ZNF750: variants seen among roughly 807,000 people sequenced by gnomAD.
ZNF750 encodes protein ZNF750.
In ZNF750, 10 loss-of-function variants were observed where a neutral mutation model predicts 31.6. The ratio of observed to expected loss-of-function variants is 0.32; its 90% CI spans 0.19 to 0.54. The LOEUF (loss-of-function observed/expected upper bound fraction) is 0.54. ZNF750 is among the 20% of genes least tolerant of loss of function. ZNF750 has a pLI of 0.95. For missense variants in ZNF750, 914 were observed against 934.9 expected, an observed-to-expected ratio of 0.98 and a Z score of 0.29; for synonymous variants, 400 against 404.9, an observed-to-expected ratio of 0.99 and a Z score of 0.15.
rs140349630 is a variant in ZNF750, at chr17:82,829,578, T to C, written c.*564A>G. ...AGCCAGAACATTCACTGTAACATTA[T>C]AAGCAAGTAGAATAAATTGATAATA... On this transcript the variant is annotated 3_prime_UTR_variant, in exon 3 of 3. Transcript: ENST00000269394. The C allele has an allele frequency of 5.5e-4, 86 of 157,554 alleles. No individual in the cohort carries two copies. The highest frequency in any genetic ancestry group is 8.5e-4 in the Non-Finnish European group (60 of 70,932). The allele number at this position is 157,554 out of a possible 1,614,324, so 9.8% of individuals were successfully genotyped here. A position where few individuals can be genotyped will look rare whatever the true frequency, so the allele number is the denominator to read the frequency against.
Position 82,831,300 on chromosome 17 carries a change from T to C in ZNF750, c.1155A>G (p.Lys385=). 2 of 1,613,988 alleles carry C rather than the reference T, an allele frequency of 1.2e-6. No individual in the cohort carries two copies. The highest frequency in any genetic ancestry group is 1.1e-5 in the South Asian group (1 of 91,086). The change falls in exon 2 of 3, where the codon AAA becomes AAG. Residue 385 remains lysine (K), a synonymous_variant. Transcript: ENST00000269394. This position sits in a 1 kb window ranked among gnomAD's most constrained non-coding sequence, Gnocchi z 4.6. The stretch of plus-strand genomic sequence containing the variant: ...CTCTCTGCCCAGCCTTGGAGGAGTC[T>C]TTAGCCTCAGGAATTGGACTTTCGA... ...VEFESPIPEA[K]DSSKAGQRDT... is the part of the protein sequence containing the mutation.
chr17:82,830,278 T>G lies in ZNF750; in HGVS notation c.2036A>C (p.Gln679Pro), dbSNP rs973435771. The change falls in exon 3 of 3, where the codon CAG becomes CCG. Residue 679 changes from glutamine to proline, a missense_variant. Around this residue, in one of 2 missense-constraint regions of ZNF750, gnomAD observed 880 missense variants for 868.9 expected, o/e 1.01. Transcript: ENST00000269394. The part of the protein sequence containing the change: ...TLSSMESQEA[Q>P]CDLRPKGQKR... Reference sequence around the variant, plus strand: ...TTGTCCTTTGGGTCTGAGGTCACACTGGGCCTCTTGGCTCTCCATGGAGCT... The same window carrying G: ...TTGTCCTTTGGGTCTGAGGTCACACGGGGCCTCTTGGCTCTCCATGGAGCT... The G allele has an allele frequency of 7.4e-6, 12 of 1,614,118 alleles. No homozygotes were observed. The African/African-American group carries it at 1.5e-4, about 20-fold the overall frequency.
Position 82,829,807 on chromosome 17 carries a change from A to G in ZNF750, c.*335T>C. On this transcript the variant is annotated 3_prime_UTR_variant, in exon 3 of 3. Coordinates refer to ENST00000269394, the MANE Select transcript of ZNF750 (RefSeq NM_024702.3). ...ATATGCAGCTAGAGCTAATAGAAAA[A>G]CAGTTAAAACAATTTGTTGTAATGG... 3.4e-6 allele frequency: 1 copy of G among 290,220 alleles called. No individual in the cohort carries two copies. The highest frequency in any genetic ancestry group is 7.0e-5 in the East Asian group (1 of 14,282). 18.0% of individuals were successfully genotyped at this position (290,220 alleles called of 1,614,324 possible).
chr17:82,837,686 C>T (rs2054107598), intron 1 of ZNF750, among the ~76,000 whole-genome samples: 1 of 152,204 alleles, frequency 6.6e-6, no homozygotes, highest in Admixed American at 6.5e-5. Context: ...ACTGGATCGG[C>T]AGGAAGCGTT....
chr17:82,837,008 T>C (rs1216734324), intron 1 of ZNF750, among the ~76,000 whole-genome samples: 2 of 152,188 alleles, frequency 1.3e-5, no homozygotes, highest in African/African-American at 2.4e-5. Context: ...GCAGTGGTTT[T>C]AGTAACCTTG....
At chr17:82,839,325 C>A (rs1226250090) in intron 1 of ZNF750, among the ~76,000 whole-genome samples, 1 of 151,972 alleles carries the variant, frequency 6.6e-6, no homozygotes, top group Non-Finnish European at 1.5e-5. Flanking sequence ...ACCCTAAATT[C>A]AGCCTAATGT....
chr17:82,831,214 C>T lies in ZNF750; in HGVS notation c.1241G>A (p.Arg414Lys). ...CTGCATGAAGTCGGTGGGGCTCGGC[C>T]TCCCTGGGGAGCCCGTGGCTGCACT... ...AGSAATGSPG[R>K]PSPTDFMQTS... Residue 414 changes from arginine to lysine, a missense_variant, in exon 2 of 3, where the codon AGG becomes AAG. Transcript: ENST00000269394. The surrounding 1 kb of genome is among the most constrained non-coding windows in gnomAD (Gnocchi z 4.6). 6.2e-7 allele frequency: 1 copy of T among 1,614,090 alleles called. No homozygotes were observed. Among genetic ancestry groups the T allele is most frequent in the Non-Finnish European group, 8.5e-7 (1 of 1,180,040 alleles).
At position 82,831,383 on chromosome 17, in the gene ZNF750, G is replaced by A. The variant is rs1376894026; in HGVS notation, c.1072C>T (p.Pro358Ser). 4.3e-6 allele frequency: 7 copies of A among 1,614,056 alleles called. No individual in the cohort carries two copies. The highest frequency in any genetic ancestry group is 5.9e-6 in the Non-Finnish European group (7 of 1,180,040). ...TTTAACCTGGAAGGACTCGAGGCTGGATAGACCAGGGTGGCTTCTTCAAGC... is the reference window on the plus strand; with the variant it reads ...TTTAACCTGGAAGGACTCGAGGCTGAATAGACCAGGGTGGCTTCTTCAAGC... ...HLLEEATLVY[P>S]ASSPSRLNPS... is the part of the protein sequence containing the mutation. The change falls in exon 2 of 3, where the codon CCA (proline) becomes TCA (serine). Residue 358 changes from proline to serine, a missense_variant. Around this residue, in one of 2 missense-constraint regions of ZNF750, gnomAD observed 880 missense variants for 868.9 expected, o/e 1.01. Coordinates refer to ENST00000269394, the MANE Select transcript of ZNF750 (RefSeq NM_024702.3). This position sits in a 1 kb window ranked among gnomAD's most constrained non-coding sequence, Gnocchi z 4.6.
chr17:82,838,870 C>A (rs2054214105), intron 1 of ZNF750: 2 of 985,452 alleles, frequency 2.0e-6, no homozygotes, highest in Non-Finnish European at 2.4e-6. Flanking sequence ...CAGTCGCCGC[C>A]TCATCCTGAA....
In ZNF750 at chr17:82,830,139, G is replaced by C; in HGVS notation, c.*3C>G. 1 of 1,613,476 alleles carries C rather than the reference G, an allele frequency of 6.2e-7. No homozygotes were observed. Among genetic ancestry groups the C allele is most frequent in the Non-Finnish European group, 8.5e-7 (1 of 1,179,998 alleles). On this transcript the variant is annotated 3_prime_UTR_variant, in exon 3 of 3. Coordinates refer to ENST00000269394, the MANE Select transcript of ZNF750 (RefSeq NM_024702.3). ...CTCTGTGAACACACGTGTGAACCCG[G>C]CGTTAGGACACCCGGGCCCTCCTTC...
intron 1 of ZNF750, 146 bp downstream of exon 1, chr17:82,839,781 C>T (rs1252717968): frequency 1.3e-5 from 2 of 152,258 alleles, no homozygotes; most frequent in African/African-American, 4.8e-5. Context: ...CAGCCATGCA[C>T]CTGCTGGGTC....
Position 82,830,793 on chromosome 17 carries a change from G to T in ZNF750, c.1521C>A (p.Asp507Glu), listed in dbSNP as rs373342505. Residue 507 changes from aspartate to glutamate, a missense_variant, in exon 3 of 3, where the codon GAC becomes GAA. By Grantham distance (45) the Asp-to-Glu change is conservative. Coordinates refer to ENST00000269394, the MANE Select transcript of ZNF750 (RefSeq NM_024702.3). ...VSEAAPSSPD[D>E]SSGMGPLNLS... Reference sequence around the variant, plus strand: ...GGTTGAGGGGGCCCATCCCGGAGCTGTCGTCCGGACTGGAAGGCGCGGCCT... The same window carrying T: ...GGTTGAGGGGGCCCATCCCGGAGCTTTCGTCCGGACTGGAAGGCGCGGCCT... 1.2e-6 allele frequency: 2 copies of T among 1,613,660 alleles called. No homozygotes were observed. The highest frequency in any genetic ancestry group is 1.7e-6 in the Non-Finnish European group (2 of 1,180,044).
In ZNF750 at chr17:82,831,845, C is replaced by T; in HGVS notation, c.610G>A (p.Gly204Ser). 6.2e-7 allele frequency: 1 copy of T among 1,614,052 alleles called. No homozygotes were observed. Among genetic ancestry groups the T allele is most frequent in the Non-Finnish European group, 8.5e-7 (1 of 1,179,992 alleles). ...GGTGAGCCGGCTTTCCAGGGGTAGC[C>T]AGGAGTGTGGAAGGCCGACTTGGTG... Reference protein sequence around the residue: ...FHTKSAFHTPGYPWKAGSPFL... With the variant: ...FHTKSAFHTPSYPWKAGSPFL... The change falls in exon 2 of 3, where the codon GGC (glycine) becomes AGC (serine). Residue 204 changes from glycine to serine, a missense_variant. Transcript: ENST00000269394. This position sits in a 1 kb window ranked among gnomAD's most constrained non-coding sequence, Gnocchi z 4.6.
At chr17:82,834,165 C>G (rs1329949106) in intron 1 of ZNF750, among the ~76,000 whole-genome samples, 1 of 152,116 alleles carries the variant, frequency 6.6e-6, no homozygotes, top group Non-Finnish European at 1.5e-5. Flanking sequence ...CCAGGCTGGT[C>G]TCGAGCTCCT....
At position 82,831,753 on chromosome 17, in the gene ZNF750, G is replaced by A. The variant is rs745915651; in HGVS notation, c.702C>T (p.Tyr234=). ...GGTACTCTGGGATTGTGGGGTGCAT[G>A]TAAGGGGAAATGGCCCCAAGCCCCT... ...STKGLGAISP[Y]MHPTIPEYPP... The change falls in exon 2 of 3, where the codon TAC becomes TAT. Residue 234 remains tyrosine (Y), a synonymous_variant. Coordinates refer to ENST00000269394, the MANE Select transcript of ZNF750 (RefSeq NM_024702.3). The surrounding 1 kb of genome is among the most constrained non-coding windows in gnomAD (Gnocchi z 4.6). 11 of 1,614,162 alleles carry A rather than the reference G, an allele frequency of 6.8e-6. No homozygotes were observed. The highest frequency in any genetic ancestry group is 1.7e-5 in the Admixed American group (1 of 60,022).
At position 82,830,607 on chromosome 17, in the gene ZNF750, G is replaced by C; in HGVS notation, c.1707C>G (p.Pro569=). The C allele has an allele frequency of 6.2e-7, 1 of 1,613,972 alleles. No individual in the cohort carries two copies. Among genetic ancestry groups the C allele is most frequent in the Non-Finnish European group, 8.5e-7 (1 of 1,179,924 alleles). ...CNTQAPRPAF[P]GRPRAAEPAA... is the part of the protein sequence containing the mutation. Reference sequence around the variant, plus strand: ...CAGGTTCTGCAGCTCGTGGTCGACCGGGGAAGGCAGGCCTCGGAGCCTGGG... The same window carrying C: ...CAGGTTCTGCAGCTCGTGGTCGACCCGGGAAGGCAGGCCTCGGAGCCTGGG... The change falls in exon 3 of 3, where the codon CCC becomes CCG. Residue 569 remains proline, a synonymous_variant. Transcript: ENST00000269394.
rs2053396017 is a variant in ZNF750 at position 82,830,515 on chromosome 17, T to A, written c.1799A>T (p.Lys600Met). ...SEDGPSHPET[K>M]PGSLDGDGAP... ...CCCGTCACCGTCGAGGCTGCCTGGC[T>A]TGGTCTCAGGGTGGCTGGGCCCATC... The change falls in exon 3 of 3, where the codon AAG (lysine) becomes ATG (methionine). Residue 600 changes from lysine (K) to methionine (M), a missense_variant. Coordinates refer to ENST00000269394, the MANE Select transcript of ZNF750 (RefSeq NM_024702.3). The A allele has an allele frequency of 6.2e-7, 1 of 1,613,894 alleles. No individual in the cohort carries two copies. Among genetic ancestry groups the A allele is most frequent in the Admixed American group, 1.7e-5 (1 of 60,030 alleles).
chr17:82,834,985 C>A (rs1357852575), intron 1 of ZNF750, among the ~76,000 whole-genome samples: 1 of 152,038 alleles, frequency 6.6e-6, no homozygotes, highest in Admixed American at 6.5e-5. Context: ...ATCCCTTGAG[C>A]CCAGGAGATT....
At chr17:82,836,750 G>A (rs968850218) in intron 1 of ZNF750, among the ~76,000 whole-genome samples, 5 of 152,042 alleles carry the variant, frequency 3.3e-5, no homozygotes, top group Middle Eastern at 3.4e-3. Flanking sequence ...CACAAAACCC[G>A]TGTTGGTTAG....
Sources: allele counts gnomAD v4.1 joint callset (sites outside exome capture counted in the v4.1 genomes callset), GRCh38; gene constraint gnomAD v4.1.1; regional missense constraint gnomAD v4.1.1; non-coding constraint Gnocchi (gnomAD v3.1); transcripts MANE v1.5; gene names NCBI Gene and HGNC (gene_info 2026-07-23, HGNC 2026-07-21).